SSH2: variants seen among roughly 807,000 people sequenced by gnomAD.
SSH2 encodes protein phosphatase Slingshot homolog 2.
A neutral mutation model predicts 135.2 loss-of-function variants in SSH2; 37 were observed. The observed-to-expected ratio is 0.27, with a 90% CI of 0.21 to 0.36. The LOEUF (loss-of-function observed/expected upper bound fraction) is 0.36, where lower values mean the gene tolerates loss of function less well. Ranked by LOEUF, SSH2 falls within the 10% of genes least tolerant of loss-of-function variation. The pLI, the probability that SSH2 is intolerant of heterozygous loss-of-function variation, is 1.00. For missense variants in SSH2, 1,408 were observed against 1,765.3 expected (o/e 0.80, Z 3.63); for synonymous variants, 628 against 646.2 (o/e 0.97, Z 0.43).
chr17:29,702,578 C>G (rs1323442616), intron 4 of SSH2, among the ~76,000 whole-genome samples: 1 of 152,182 alleles, frequency 6.6e-6, no homozygotes, highest in Non-Finnish European at 1.5e-5. Context: ...TCGCTTGAAC[C>G]CAGGAGGTGG....
chr17:29,921,774 C>T (rs866264362), intron 1 of SSH2, among the ~76,000 whole-genome samples: 5 of 151,950 alleles, frequency 3.3e-5, no homozygotes, highest in African/African-American at 7.3e-5. Flanking sequence ...TCTCAAACTC[C>T]CGACCTCAGG....
At chr17:29,718,732 CA>C (rs752148237) in intron 3 of SSH2, among the ~76,000 whole-genome samples, 5,213 of 77,172 alleles carry the variant, frequency 0.068, 516 homozygotes, top group African/African-American at 0.29. Flanking sequence ...GATTTCACCT[CA>C]AAAAAAAAAA....
intron 14 of SSH2, 27 bp downstream of exon 14, chr17:29,648,117 G>C: frequency 6.2e-7 from 1 of 1,605,264 alleles, no homozygotes; most frequent in Non-Finnish European, 8.5e-7. Flanking sequence ...TAAAAGGAGG[G>C]AGAATTGGAG....
chr17:29,626,292 A>T lies in SSH2; in HGVS notation c.*4549T>A, dbSNP rs1477295995. The T allele has an allele frequency of 6.6e-6, 1 of 152,552 alleles. No individual in the cohort carries two copies. The highest frequency in any genetic ancestry group is 1.5e-5 in the Non-Finnish European group (1 of 68,024). The allele number at this position is 152,552 out of a possible 1,614,324, so 9.4% of individuals were successfully genotyped here. A position where few individuals can be genotyped will look rare whatever the true frequency, so the allele number is the denominator to read the frequency against. Reference sequence around the variant, plus strand: ...AAAACAAAGCAGAAAGAAAAAAAAAAAAAAAGAAAAGTAAAGGCACCTTTA... The same window carrying T: ...AAAACAAAGCAGAAAGAAAAAAAAATAAAAAGAAAAGTAAAGGCACCTTTA... On this transcript the variant is annotated 3_prime_UTR_variant, in exon 16 of 16. Coordinates refer to ENST00000540801, the MANE Select transcript of SSH2 (RefSeq NM_001282129.2).
At chr17:29,913,347 A>AAAAAAAAAAAAAAAAAAAAATTAT in intron 1 of SSH2, among the ~76,000 whole-genome samples, 1 of 28,786 alleles carries the variant, frequency 3.5e-5, no homozygotes, top group African/African-American at 1.2e-4. Flanking sequence ...AAAAAAAAAA[A>AAAAAAAAAAAAAAAAAAAAATTAT]ATATATATAT....
At position 29,629,719 on chromosome 17, in the gene SSH2, G is replaced by A. The variant is rs2035595562; in HGVS notation, c.*1122C>T. 6.6e-6 allele frequency: 1 copy of A among 152,410 alleles called. No homozygotes were observed. The highest frequency in any genetic ancestry group is 2.4e-5 in the African/African-American group (1 of 41,326). The allele number at this position is 152,410 out of a possible 1,614,324, so 9.4% of individuals were successfully genotyped here. ...AACCTTCCAGGAAAAGGAAAAAAAA[G>A]TGTTAACAGTGATAATACCAAAAAT... On this transcript the variant is annotated 3_prime_UTR_variant, in exon 16 of 16. Transcript: ENST00000540801.
In SSH2 at chr17:29,860,146, G is replaced by A. The variant is rs117222547; in HGVS notation, c.64-11217C>T. Among the ~76,000 whole-genome samples, 172 of 151,882 alleles carry A rather than the reference G, an allele frequency of 1.1e-3. No homozygotes were observed. In the East Asian group the frequency reaches 0.025, roughly 22 times the overall value. Reference sequence around the variant, plus strand: ...TATAGGCGTGAGTCAGCATGCCGGCGGTAATTCTGTTTTTAGCTCTTTGAG... The same window carrying A: ...TATAGGCGTGAGTCAGCATGCCGGCAGTAATTCTGTTTTTAGCTCTTTGAG... On this transcript the variant is annotated intron_variant, in intron 1 of 15. Coordinates refer to ENST00000540801, the MANE Select transcript of SSH2 (RefSeq NM_001282129.2).
intron 6 of SSH2, among the ~76,000 whole-genome samples, 181 bp downstream of exon 6, chr17:29,684,382 C>A (rs938095526): frequency 1.3e-5 from 2 of 151,014 alleles, no homozygotes; most frequent in African/African-American, 4.9e-5. Context: ...GAGGCTGAGG[C>A]AGGAGAATCG....
chr17:29,634,850 C>CAGCACA (rs2035832072), intron 15 of SSH2, among the ~76,000 whole-genome samples: 1 of 152,046 alleles, frequency 6.6e-6, no homozygotes, highest in African/African-American at 2.4e-5. Context: ...TGAGCCTGGC[C>CAGCACA]TTCCCCTTGA....
intron 2 of SSH2, chr17:29,838,869 A>T: frequency 5.4e-6 from 1 of 184,952 alleles, no homozygotes. Flanking sequence ...GGACCTGCCG[A>T]ATGGCGGGGC....
In SSH2 at chr17:29,671,970, G is replaced by A. The variant is rs1051530496; in HGVS notation, c.774C>T (p.Ser258=). ...NEWNAMQDVQ[S]HRPDSPALFT... ...AGAGAGCTGGAGAGTCGGGCCGGTGGGACTGTACATCTTGCATTGCATTCC... is the reference window on the plus strand; with the variant it reads ...AGAGAGCTGGAGAGTCGGGCCGGTGAGACTGTACATCTTGCATTGCATTCC... Residue 258 remains serine, a synonymous_variant, in exon 9 of 16, where the codon TCC becomes TCT. Coordinates refer to ENST00000540801, the MANE Select transcript of SSH2 (RefSeq NM_001282129.2). 1 of 1,613,922 alleles carries A rather than the reference G, an allele frequency of 6.2e-7. No individual in the cohort carries two copies. The highest frequency in any genetic ancestry group is 1.3e-5 in the African/African-American group (1 of 74,914).
At chr17:29,848,810 G>A (rs527776324) in intron 2 of SSH2, 39 bp downstream of exon 2, 147 of 1,323,088 alleles carry the variant, frequency 1.1e-4, no homozygotes, top group Non-Finnish European at 1.5e-4. Context: ...GATTTTACTT[G>A]AATCACCAAA....
chr17:29,914,558 G>GA (rs1228741515), intron 1 of SSH2, among the ~76,000 whole-genome samples: 2,636 of 77,914 alleles, frequency 0.034, 50 homozygotes, highest in Middle Eastern at 0.074. Flanking sequence ...GACCCTGTCT[G>GA]AAAAAAAAAA....
chr17:29,887,009 A>G (rs2151439071), intron 1 of SSH2, among the ~76,000 whole-genome samples: 1 of 152,292 alleles, frequency 6.6e-6, no homozygotes, highest in East Asian at 1.9e-4. Context: ...TAAGAAAACC[A>G]GGACTAGAAA....
chr17:29,721,953 G>C (rs2039835572), intron 3 of SSH2, among the ~76,000 whole-genome samples: 1 of 152,170 alleles, frequency 6.6e-6, no homozygotes, highest in African/African-American at 2.4e-5. Context: ...CTGTCCTTGG[G>C]TGGGCAGGGT....
intron 1 of SSH2, among the ~76,000 whole-genome samples, chr17:29,877,346 A>G (rs1322696720): frequency 3.9e-5 from 6 of 152,244 alleles, no homozygotes; most frequent in Admixed American, 2.6e-4. Context: ...TAGAGCTACC[A>G]TATGATCCAG....
chr17:29,910,357 C>T (rs1396266840), intron 1 of SSH2, among the ~76,000 whole-genome samples: 1 of 152,076 alleles, frequency 6.6e-6, no homozygotes, highest in Non-Finnish European at 1.5e-5. Context: ...AAAAGGAAGG[C>T]CCTATTTGTC....
At chr17:29,841,991 C>T (rs543093160) in intron 2 of SSH2, among the ~76,000 whole-genome samples, 9 of 150,694 alleles carry the variant, frequency 6.0e-5, no homozygotes, top group African/African-American at 2.2e-4. Context: ...GCCTCAGCCT[C>T]CCAAAGTGCT....
chr17:29,637,067 A>G (rs1247397419), intron 14 of SSH2, among the ~76,000 whole-genome samples: 2 of 152,186 alleles, frequency 1.3e-5, no homozygotes, highest in Middle Eastern at 3.2e-3. Flanking sequence ...TGGTATGGCT[A>G]AACAAGCCCT....
Sources: allele counts gnomAD v4.1 joint callset (sites outside exome capture counted in the v4.1 genomes callset), GRCh38; gene constraint gnomAD v4.1.1; transcripts MANE v1.5; gene names NCBI Gene and HGNC (gene_info 2026-07-23, HGNC 2026-07-21).